The following FBXL13 variants were observed in gnomAD, a reference collection of about 807,000 sequenced individuals.
The protein encoded by FBXL13 is F-box and leucine-rich repeat protein 13.
Under a neutral mutation model 83.6 loss-of-function variants are expected in FBXL13, and 67 were observed. The ratio of observed to expected loss-of-function variants is 0.80; its 90% CI spans 0.66 to 0.98. The LOEUF (loss-of-function observed/expected upper bound fraction) is 0.98. FBXL13 is among the 50% of genes least tolerant of loss of function. The pLI is 0.00. For missense variants in FBXL13, 822 were observed against 866.5 expected (o/e 0.95, Z 0.64); for synonymous variants, 272 against 299.5 (o/e 0.91, Z 0.95).
intron 6 of FBXL13, among the ~76,000 whole-genome samples, chr7:102,990,199 G>A (rs913795270): frequency 6.6e-6 from 1 of 152,230 alleles, no homozygotes; most frequent in South Asian, 2.1e-4. Flanking sequence ...AGGGCAAAGA[G>A]AGAGAGCCAA....
At chr7:102,831,425 A>ACACACC (rs1800655400) in intron 18 of FBXL13, among the ~76,000 whole-genome samples, 1 of 150,994 alleles carries the variant, frequency 6.6e-6, no homozygotes, top group African/African-American at 2.5e-5. Context: ...ACACACACAC[A>ACACACC]CACACACCCC....
intron 11 of FBXL13, among the ~76,000 whole-genome samples, chr7:102,900,717 C>T (rs893183110): frequency 2.0e-5 from 3 of 152,190 alleles, no homozygotes; most frequent in African/African-American, 7.2e-5. Context: ...GAACCCATTT[C>T]TTACTCTCAC....
intron 8 of FBXL13, among the ~76,000 whole-genome samples, chr7:102,960,230 C>G (rs1035172052): frequency 6.6e-6 from 1 of 152,066 alleles, no homozygotes; most frequent in Non-Finnish European, 1.5e-5. Flanking sequence ...ACTAGAAAAT[C>G]TAGAAGAAAT....
At chr7:102,996,205 T>G (rs1197016616) in intron 6 of FBXL13, among the ~76,000 whole-genome samples, 1 of 152,230 alleles carries the variant, frequency 6.6e-6, no homozygotes, top group African/African-American at 2.4e-5. Context: ...TAGTTTGTCA[T>G]AATGGTTGCT....
chr7:102,899,960 T>C (rs1239278608), intron 11 of FBXL13, among the ~76,000 whole-genome samples: 1 of 151,838 alleles, frequency 6.6e-6, no homozygotes, highest in Non-Finnish European at 1.5e-5. Context: ...GGCAGGAGAA[T>C]TGCCTGAACC....
At chr7:102,986,033 T>A (rs1156607451) in intron 6 of FBXL13, among the ~76,000 whole-genome samples, 1 of 147,024 alleles carries the variant, frequency 6.8e-6, no homozygotes, top group Non-Finnish European at 1.5e-5. Context: ...CCCCCATCAA[T>A]ACATTTAGTA....
chr7:102,856,701 C>T (rs906803322), intron 16 of FBXL13, among the ~76,000 whole-genome samples: 10 of 152,092 alleles, frequency 6.6e-5, no homozygotes, highest in Admixed American at 1.3e-4. Flanking sequence ...CATACCACAA[C>T]GTACCTACTA....
chr7:102,846,429 G>A (rs913345121), intron 17 of FBXL13, among the ~76,000 whole-genome samples: 2 of 152,230 alleles, frequency 1.3e-5, no homozygotes, highest in South Asian at 4.1e-4. Flanking sequence ...ACCAGCCTCA[G>A]CCAACATGGT....
rs528425128 is a variant in FBXL13, at chr7:103,052,477, G to A, written c.-1+3167C>T. On this transcript the variant is annotated intron_variant, in intron 2 of 19. Transcript: ENST00000313221. ...AAAAAAAATTTCATTTTTCTCTGACGGTGGAGGAGAAATTAATGTGGATCC... is the reference window on the plus strand; with the variant it reads ...AAAAAAAATTTCATTTTTCTCTGACAGTGGAGGAGAAATTAATGTGGATCC... Among the ~76,000 whole-genome samples, 17 of 152,182 alleles carry A rather than the reference G, an allele frequency of 1.1e-4. 1 individual carries two copies. Among genetic ancestry groups the A allele is most frequent in the Admixed American group, 5.9e-4 (9 of 15,276 alleles).
intron 6 of FBXL13, among the ~76,000 whole-genome samples, chr7:102,981,191 G>A (rs1256916637): frequency 6.6e-6 from 1 of 152,144 alleles, no homozygotes; most frequent in African/African-American, 2.4e-5. Context: ...AAAAGTGGCA[G>A]CACAGAAAAG....
intron 6 of FBXL13, among the ~76,000 whole-genome samples, chr7:103,001,866 A>G (rs919648308): frequency 1.3e-5 from 2 of 152,100 alleles, no homozygotes; most frequent in Admixed American, 1.3e-4. Context: ...CTGAGACACT[A>G]TTAGCTTCTC....
rs188625964 is a variant in FBXL13 at position 102,991,805 on chromosome 7, G to C, written c.496-23688C>G. ...TTCCAATGGAACATTGTATGATATGGAAAGAAAAATACTTAACAAGACAGG... is the reference window on the plus strand; with the variant it reads ...TTCCAATGGAACATTGTATGATATGCAAAGAAAAATACTTAACAAGACAGG... On this transcript the variant is annotated intron_variant, in intron 6 of 19. Coordinates refer to ENST00000313221, the Ensembl canonical transcript of FBXL13. Among the ~76,000 whole-genome samples, 8 of 152,260 alleles carry C rather than the reference G, an allele frequency of 5.3e-5. No individual in the cohort carries two copies. In the East Asian group the frequency reaches 1.5e-3, roughly 29 times the overall value.
intron 11 of FBXL13, among the ~76,000 whole-genome samples, chr7:102,900,408 T>A (rs893131040): frequency 6.6e-6 from 1 of 152,214 alleles, no homozygotes; most frequent in South Asian, 2.1e-4. Context: ...TATTGAGACC[T>A]TTTTTCTTGG....
chr7:103,065,099 C>T (rs1248978429), intron 1 of FBXL13, among the ~76,000 whole-genome samples: 1 of 151,976 alleles, frequency 6.6e-6, no homozygotes, highest in Admixed American at 6.6e-5. Flanking sequence ...ATTGACACAC[C>T]AAACAAACAG....
chr7:102,955,345 G>A (rs1346925872), intron 8 of FBXL13, among the ~76,000 whole-genome samples: 3 of 152,148 alleles, frequency 2.0e-5, no homozygotes, highest in East Asian at 1.9e-4. Context: ...TGAAGCCAAC[G>A]AGAACAAAGA....
At chr7:102,881,324 C>T (rs1405881755) in intron 14 of FBXL13, among the ~76,000 whole-genome samples, 1 of 149,884 alleles carries the variant, frequency 6.7e-6, no homozygotes, top group Non-Finnish European at 1.5e-5. Flanking sequence ...GGGTGCCTGT[C>T]TACTTGGGAG....
intron 11 of FBXL13, among the ~76,000 whole-genome samples, chr7:102,891,503 C>T (rs185865196): frequency 6.6e-6 from 1 of 152,342 alleles, no homozygotes; most frequent in East Asian, 1.9e-4. Flanking sequence ...TACAGTACAG[C>T]ACAGTGCCTG....
chr7:102,884,952 T>C (rs1171800236), intron 11 of FBXL13, among the ~76,000 whole-genome samples: 2 of 152,192 alleles, frequency 1.3e-5, no homozygotes. Context: ...TTCATGCACA[T>C]TGTAGCATGC....
intron 6 of FBXL13, among the ~76,000 whole-genome samples, chr7:103,011,101 C>T (rs74853953): frequency 0.057 from 8,675 of 152,222 alleles, 492 homozygotes; most frequent in East Asian, 0.28. Flanking sequence ...TGAGAAAGAA[C>T]CAGTGCAAGA....
Sources: allele counts gnomAD v4.1 joint callset (sites outside exome capture counted in the v4.1 genomes callset), GRCh38; gene constraint gnomAD v4.1.1; transcripts MANE v1.5; gene names NCBI Gene and HGNC (gene_info 2026-07-23, HGNC 2026-07-21).